Variants in CTIF observed in about 807,000 individuals in gnomAD.
The protein encoded by CTIF is CBP80/20-dependent translation initiation factor.
CTIF carries 21 observed loss-of-function variants against 66.0 expected under a neutral mutation model. The observed-to-expected ratio is 0.32, with a 90% CI of 0.23 to 0.46. CTIF has a LOEUF of 0.46. CTIF is among the 20% of genes least tolerant of loss of function. CTIF has a pLI of 1.00. For synonymous variants in CTIF, 345 were observed against 326.4 expected (o/e 1.06, Z -0.62); for missense variants, 739 against 812.7 (o/e 0.91, Z 1.10).
intron 3 of CTIF, among the ~76,000 whole-genome samples, chr18:48,648,558 T>G (rs917870552): frequency 6.6e-5 from 10 of 151,754 alleles, no homozygotes; most frequent in African/African-American, 2.4e-4. Flanking sequence ...TTCTGCCCCC[T>G]GACACCTCCC....
At chr18:48,716,088 A>C (rs1314087050) in intron 7 of CTIF, among the ~76,000 whole-genome samples, 5 of 152,096 alleles carry the variant, frequency 3.3e-5, no homozygotes, top group African/African-American at 1.2e-4. Context: ...GCCGGGAGGC[A>C]GTGCCCCGCT....
chr18:48,800,030 C>A (rs1190235543), intron 9 of CTIF, among the ~76,000 whole-genome samples: 1 of 152,212 alleles, frequency 6.6e-6, no homozygotes, highest in Non-Finnish European at 1.5e-5. Context: ...GAGGAGAAAA[C>A]AAGTAGACCG....
chr18:48,633,079 G>T (rs2090749830), intron 2 of CTIF, among the ~76,000 whole-genome samples: 1 of 114,868 alleles, frequency 8.7e-6, no homozygotes, highest in Non-Finnish European at 2.0e-5. Flanking sequence ...CCTGGAGAAG[G>T]TGTGTCCCCC....
intron 7 of CTIF, among the ~76,000 whole-genome samples, chr18:48,754,711 A>G (rs928465365): frequency 6.6e-5 from 10 of 152,214 alleles, no homozygotes; most frequent in African/African-American, 2.4e-4. Flanking sequence ...CACATGTGCA[A>G]AGGAGCCGCC....
rs370781038 is a variant in CTIF at position 48,636,705 on chromosome 18, C to A, written c.252+20C>A. 8.2e-5 allele frequency: 129 copies of A among 1,574,862 alleles called. No homozygotes were observed. The highest frequency in any genetic ancestry group is 1.1e-4 in the Non-Finnish European group (128 of 1,162,782). On this transcript the variant is annotated intron_variant, in intron 3 of 11. Coordinates refer to ENST00000256413, the MANE Select transcript of CTIF (RefSeq NM_014772.3). The stretch of plus-strand genomic sequence containing the variant: ...CAGCAGGTAGGGAACCAGCTCTGCG[C>A]TCTGTCTGGGGGTGTCCTATGTCTT...
At chr18:48,708,543 C>T (rs2220017) in intron 6 of CTIF, among the ~76,000 whole-genome samples, 47,743 of 151,952 alleles carry the variant, frequency 0.31, 8,683 homozygotes, top group African/African-American at 0.5. Flanking sequence ...GGTCCATTCA[C>T]TTATCCACCT....
intron 1 of CTIF, among the ~76,000 whole-genome samples, chr18:48,551,592 A>G (rs923662501): frequency 6.6e-5 from 10 of 152,098 alleles, no homozygotes; most frequent in African/African-American, 2.4e-4. Context: ...CTCTGAGTGT[A>G]GTTGTTATTC....
At chr18:48,558,642 T>C (rs1466830748) in intron 1 of CTIF, among the ~76,000 whole-genome samples, 1 of 152,236 alleles carries the variant, frequency 6.6e-6, no homozygotes, top group African/African-American at 2.4e-5. Context: ...AATCCTTTTT[T>C]ATAGTATCTG....
chr18:48,652,632 A>G (rs2091177655), intron 3 of CTIF, among the ~76,000 whole-genome samples: 1 of 152,234 alleles, frequency 6.6e-6, no homozygotes, highest in Non-Finnish European at 1.5e-5. Flanking sequence ...TCATTTTATA[A>G]GGCCAGCATT....
At chr18:48,616,543 C>G (rs2090403743) in intron 1 of CTIF, among the ~76,000 whole-genome samples, 1 of 152,184 alleles carries the variant, frequency 6.6e-6, no homozygotes, top group African/African-American at 2.4e-5. Flanking sequence ...CTGGAACTCT[C>G]CTGTGTGAAC....
intron 3 of CTIF, among the ~76,000 whole-genome samples, chr18:48,654,223 C>A (rs1314156743): frequency 6.6e-6 from 1 of 152,046 alleles, no homozygotes; most frequent in African/African-American, 2.4e-5. Context: ...TTACAATCTA[C>A]CCATCTGACA....
intron 7 of CTIF, among the ~76,000 whole-genome samples, chr18:48,733,922 A>G (rs956561734): frequency 3.3e-5 from 5 of 152,242 alleles, no homozygotes; most frequent in Non-Finnish European, 5.9e-5. Flanking sequence ...CAGCCGGAGA[A>G]TGCTCGGAGC....
At chr18:48,708,058 CT>C (rs756551375) in intron 6 of CTIF, among the ~76,000 whole-genome samples, 13 of 152,224 alleles carry the variant, frequency 8.5e-5, no homozygotes, top group Non-Finnish European at 1.9e-4. Context: ...CTTCCTTCCT[CT>C]TTATGGCCAT....
At chr18:48,654,803 G>A (rs1056205691) in intron 3 of CTIF, among the ~76,000 whole-genome samples, 1 of 152,160 alleles carries the variant, frequency 6.6e-6, no homozygotes, top group Non-Finnish European at 1.5e-5. Context: ...CATAAAAAAG[G>A]ATGAGTTCAT....
intron 1 of CTIF, among the ~76,000 whole-genome samples, chr18:48,600,278 A>G (rs1241150721): frequency 6.6e-6 from 1 of 152,074 alleles, no homozygotes; most frequent in East Asian, 1.9e-4. Context: ...CTGAGGCCTC[A>G]AGAGTTCAGG....
At chr18:48,666,727 A>G (rs1287998244) in intron 5 of CTIF, among the ~76,000 whole-genome samples, 3 of 152,162 alleles carry the variant, frequency 2.0e-5, no homozygotes, top group African/African-American at 7.2e-5. Context: ...GGAGAGACAC[A>G]GCTGCAAGGC....
chr18:48,589,527 G>A (rs1278810903), intron 1 of CTIF, among the ~76,000 whole-genome samples: 6 of 152,164 alleles, frequency 3.9e-5, no homozygotes, highest in Non-Finnish European at 7.4e-5. Flanking sequence ...ACATTCACAG[G>A]TCCTAGGGAC....
intron 9 of CTIF, among the ~76,000 whole-genome samples, chr18:48,786,367 A>G (rs1009379900): frequency 4.6e-5 from 7 of 152,166 alleles, no homozygotes; most frequent in Non-Finnish European, 1.0e-4. Context: ...GGGCACTGTC[A>G]AGAGCCTGGA....
intron 4 of CTIF, 59 bp downstream of exon 4, chr18:48,663,884 C>T: frequency 6.8e-7 from 1 of 1,472,086 alleles, no homozygotes. Flanking sequence ...AACTGGCTTC[C>T]TTGGGGACGG....
Sources: gnomAD v4.1 joint callset for allele counts (sites outside exome capture counted in the v4.1 genomes callset) on GRCh38, gnomAD v4.1.1 for gene constraint, MANE v1.5 for transcripts, NCBI Gene and HGNC (gene_info 2026-07-23, HGNC 2026-07-21) for gene names.